The following SHANK2 variants were observed in gnomAD, a reference collection of about 807,000 sequenced individuals.
SHANK2 encodes SH3 and multiple ankyrin repeat domains protein 2.
In SHANK2, 43 loss-of-function variants were observed where a neutral mutation model predicts 133.7. That is an observed-to-expected ratio of 0.32 (90% confidence interval 0.25 to 0.41). The LOEUF is 0.41. Ranked by LOEUF, SHANK2 falls within the 10% of genes least tolerant of loss-of-function variation. The probability of loss-of-function intolerance (pLI) is 1.00; values close to 1 mark genes in which losing one functional copy is unlikely to be tolerated. For missense variants in SHANK2, 1,994 were observed against 2,235.8 expected (o/e 0.89, Z 2.18); for synonymous variants, 1,017 against 952.8 (o/e 1.07, Z -1.24).
At position 70,473,462 on chromosome 11, in the gene SHANK2, A is replaced by G. The variant is rs1555149339; in HGVS notation, c.4980-23T>C. 4 of 1,599,690 alleles carry G rather than the reference A, an allele frequency of 2.5e-6. No individual in the cohort carries two copies. The highest frequency in any genetic ancestry group is 1.7e-4 in the Middle Eastern group (1 of 6,052). On this transcript the variant is annotated intron_variant, in intron 25 of 25. Coordinates refer to ENST00000601538, the MANE Select transcript of SHANK2 (RefSeq NM_012309.5). The surrounding 1 kb of genome is among the most constrained non-coding windows in gnomAD (Gnocchi z 5.9). ...CTTCTGAAACAGCAACACAGAGAAAACCATCACAAGGCAGGTCACCGAGTC... is the reference window on the plus strand; with the variant it reads ...CTTCTGAAACAGCAACACAGAGAAAGCCATCACAAGGCAGGTCACCGAGTC...
rs1223845180 is a variant in SHANK2 at position 71,188,757 on chromosome 11, T to TGCTGG, written c.-13+35935_-13+35939dup. On this transcript the variant is annotated intron_variant, in intron 2 of 25. Transcript: ENST00000601538. The surrounding 1 kb of genome is among the most constrained non-coding windows in gnomAD (Gnocchi z 4.6). ...GAGGGCCTGCCACGTCCCTGCACTG[T>TGCTGG]GCTGGGTGCTGGCCTCACTGAGATA... is the stretch of plus-strand genomic sequence containing the variant. Among the ~76,000 whole-genome samples the TGCTGG allele has an allele frequency of 1.3e-5, 2 of 152,212 alleles. No individual in the cohort carries two copies. The highest frequency in any genetic ancestry group is 2.9e-5 in the Non-Finnish European group (2 of 68,038).
At chr11:71,165,914 C>A (rs1450193266) in intron 2 of SHANK2, among the ~76,000 whole-genome samples, 1 of 152,150 alleles carries the variant, frequency 6.6e-6, no homozygotes, top group African/African-American at 2.4e-5. Context: ...CCTCCATGAG[C>A]ACTCTGTCAG....
intron 17 of SHANK2, among the ~76,000 whole-genome samples, chr11:70,614,142 G>A (rs11236853): frequency 0.049 from 7,505 of 152,212 alleles, 205 homozygotes; most frequent in South Asian, 0.081. Flanking sequence ...GCCAGGCAGC[G>A]CAAGCCAGGG....
intron 14 of SHANK2, among the ~76,000 whole-genome samples, chr11:70,701,836 G>A (rs1233453103): frequency 6.6e-6 from 1 of 152,112 alleles, no homozygotes; most frequent in Non-Finnish European, 1.5e-5. Flanking sequence ...CTAAGGGACA[G>A]GAAAGGGACC....
At chr11:70,526,595 T>C (rs1403283545) in intron 17 of SHANK2, among the ~76,000 whole-genome samples, 2 of 152,212 alleles carry the variant, frequency 1.3e-5, no homozygotes, top group Admixed American at 6.5e-5. Flanking sequence ...TTAGCCAGCG[T>C]ATCCTCATTC....
chr11:70,800,190 T>C (rs1948014292), intron 13 of SHANK2, among the ~76,000 whole-genome samples: 1 of 152,104 alleles, frequency 6.6e-6, no homozygotes. Flanking sequence ...ACCTCATTAT[T>C]ATTATAATTA....
chr11:70,930,761 C>T (rs1393497277), intron 10 of SHANK2, among the ~76,000 whole-genome samples: 1 of 149,306 alleles, frequency 6.7e-6, no homozygotes, highest in African/African-American at 2.5e-5. Flanking sequence ...GCCTCAATCT[C>T]CCAGGCTCAA....
chr11:70,941,558 G>A (rs1393165953), intron 10 of SHANK2, among the ~76,000 whole-genome samples: 1 of 152,142 alleles, frequency 6.6e-6, no homozygotes, highest in Non-Finnish European at 1.5e-5. Context: ...CATTTGGATT[G>A]GGACCTTTTA....
chr11:71,166,789 T>TC (rs1429103235), intron 2 of SHANK2, among the ~76,000 whole-genome samples: 49 of 149,966 alleles, frequency 3.3e-4, no homozygotes, highest in African/African-American at 6.6e-4. Flanking sequence ...GGCCCACACT[T>TC]CTTTTTTTTT....
In SHANK2 at chr11:70,599,949, A is replaced by T. The variant is rs565053549; in HGVS notation, c.2061+59879T>A. On this transcript the variant is annotated intron_variant, in intron 17 of 25. Coordinates refer to ENST00000601538, the MANE Select transcript of SHANK2 (RefSeq NM_012309.5). ...AAAGAAAGAAAGAAAGAAAGAAAGA[A>T]AGAAAGAAAGAAAGAAAGAAAGAAA... Among the ~76,000 whole-genome samples, 47 of 131,974 alleles carry T rather than the reference A, an allele frequency of 3.6e-4. 2 individuals carry two copies. The highest frequency in any genetic ancestry group is 1.6e-3 in the East Asian group (8 of 4,904). 86.6% of individuals were successfully genotyped at this position (131,974 alleles called of 152,430 possible).
chr11:71,232,718 G>A (rs116909770), intron 1 of SHANK2, among the ~76,000 whole-genome samples: 2 of 152,170 alleles, frequency 1.3e-5, no homozygotes, highest in Non-Finnish European at 2.9e-5. Flanking sequence ...AAGGTTATTT[G>A]TTTGTATAAC....
At chr11:70,900,564 T>G (rs1393166225) in intron 10 of SHANK2, among the ~76,000 whole-genome samples, 1 of 152,142 alleles carries the variant, frequency 6.6e-6, no homozygotes, top group Non-Finnish European at 1.5e-5. Flanking sequence ...CATCCCCTAG[T>G]GATTCCGGGA....
Position 70,658,228 on chromosome 11 carries a change from C to G in SHANK2, c.2061+1600G>C, listed in dbSNP as rs1043815143. On this transcript the variant is annotated intron_variant, in intron 17 of 25. Transcript: ENST00000601538. ...CCCCCAACACACACACACACACACA[C>G]ACACACACACACACACAGACACACA... is the stretch of plus-strand genomic sequence containing the variant. Among the ~76,000 whole-genome samples the G allele has an allele frequency of 4.4e-5, 5 of 113,850 alleles. No homozygotes were observed. In the East Asian group the frequency reaches 6.6e-4, roughly 15 times the overall value. 74.7% of individuals were successfully genotyped at this position (113,850 alleles called of 152,430 possible).
At chr11:70,898,979 G>C (rs73531441) in intron 10 of SHANK2, among the ~76,000 whole-genome samples, 1 of 152,264 alleles carries the variant, frequency 6.6e-6, no homozygotes, top group East Asian at 1.9e-4. Context: ...AGAGCTGTCT[G>C]GTCACAAATG....
intron 21 of SHANK2, chr11:70,496,856 C>G (rs903936505): frequency 1.1e-4 from 44 of 413,050 alleles, no homozygotes; most frequent in Non-Finnish European, 1.9e-5. Context: ...AGGAGAACCA[C>G]GAGGCGGGGG....
At chr11:70,505,523 A>C (rs970093441) in intron 17 of SHANK2, among the ~76,000 whole-genome samples, 2 of 150,122 alleles carry the variant, frequency 1.3e-5, no homozygotes, top group African/African-American at 2.5e-5. Flanking sequence ...GGCTGTGGGG[A>C]GCGAGGGGAG....
intron 9 of SHANK2, among the ~76,000 whole-genome samples, chr11:71,073,147 C>CTTTTCTTTTTTTTTTTTTT (rs1951166965): frequency 1.6e-5 from 1 of 62,716 alleles, no homozygotes; most frequent in East Asian, 4.5e-4. Flanking sequence ...TTTTTCTTTT[C>CTTTTCTTTTTTTTTTTTTT]TTTTTTTTCT....
chr11:70,703,887 T>A (rs1945600047), intron 14 of SHANK2, among the ~76,000 whole-genome samples: 1 of 152,250 alleles, frequency 6.6e-6, no homozygotes, highest in Non-Finnish European at 1.5e-5. Context: ...GGTCAGGTGA[T>A]GCCACCCTGC....
At position 70,477,342 on chromosome 11, in the gene SHANK2, C is replaced by T. The variant is rs1455896642; in HGVS notation, c.4980-3903G>A. On this transcript the variant is annotated intron_variant, in intron 25 of 25. Coordinates refer to ENST00000601538, the MANE Select transcript of SHANK2 (RefSeq NM_012309.5). ...GGCTGAAAGCCCATCCGTGGTGGTC[C>T]CTTCGGCCTGCCACAGCCTGCCCAG... The T allele has an allele frequency of 2.0e-5, 3 of 152,192 alleles. No homozygotes were observed. The East Asian group carries it at 5.8e-4, about 29-fold the overall frequency. 9.4% of individuals were successfully genotyped at this position (152,192 alleles called of 1,614,324 possible).
Sources: allele counts gnomAD v4.1 joint callset (sites outside exome capture counted in the v4.1 genomes callset), GRCh38; gene constraint gnomAD v4.1.1; non-coding constraint Gnocchi (gnomAD v3.1); transcripts MANE v1.5; gene names NCBI Gene and HGNC (gene_info 2026-07-23, HGNC 2026-07-21).